Variants in IL1RAPL2 observed in about 807,000 individuals in gnomAD.
IL1RAPL2 encodes interleukin 1 receptor accessory protein like 2, also known as X-linked interleukin-1 receptor accessory protein-like 2.
A neutral mutation model predicts 44.1 loss-of-function variants in IL1RAPL2; 3 were observed. That is an observed-to-expected ratio of 0.07 (90% confidence interval 0.03 to 0.18). The LOEUF (loss-of-function observed/expected upper bound fraction) is 0.18, where lower values mean the gene tolerates loss of function less well. Ranked by LOEUF, IL1RAPL2 falls within the 10% of genes least tolerant of loss-of-function variation. The pLI is 1.00. For missense variants in IL1RAPL2, 391 were observed against 496.4 expected (o/e 0.79, Z 2.02); for synonymous variants, 181 against 178.8 (o/e 1.01, Z -0.10).
chrX:105,244,956 T>G (rs780121419), intron 4 of IL1RAPL2, among the ~76,000 whole-genome samples: 1 of 111,760 alleles, frequency 8.9e-6, no homozygotes, highest in South Asian at 3.7e-4. Context: ...GAACACATTT[T>G]GAAGTTGGCC....
intron 3 of IL1RAPL2, among the ~76,000 whole-genome samples, chrX:105,227,725 G>C (rs782700341): frequency 9.8e-5 from 11 of 111,973 alleles, no homozygotes; most frequent in African/African-American, 3.6e-4. Context: ...CATTAACATT[G>C]CAAGTTTGCA....
intron 2 of IL1RAPL2, among the ~76,000 whole-genome samples, chrX:105,009,643 A>C (rs1371955004): frequency 9.3e-6 from 1 of 107,597 alleles, no homozygotes; most frequent in East Asian, 3.0e-4. Context: ...AGATATACCT[A>C]ATGCTAAATG....
At chrX:104,579,782 C>T (rs1158196499) in intron 1 of IL1RAPL2, among the ~76,000 whole-genome samples, 2 of 111,593 alleles carry the variant, frequency 1.8e-5, no homozygotes, top group Non-Finnish European at 3.8e-5. Flanking sequence ...TAGGGCAAGA[C>T]CAAAGTGAGG....
intron 1 of IL1RAPL2, among the ~76,000 whole-genome samples, chrX:104,570,001 A>C (rs1020937804): frequency 8.9e-6 from 1 of 112,355 alleles, no homozygotes; most frequent in East Asian, 2.8e-4. Context: ...TTGGAAGACA[A>C]ATGTACACAC....
rs184267055 is a variant in IL1RAPL2, at chrX:105,000,744, G to A, written c.83-194731G>A. ...TAAAAATTAAAGGTTACATTAAAAT[G>A]GTGCCTGTTGCTGAAAACATTACAC... On this transcript the variant is annotated intron_variant, in intron 2 of 10. Coordinates refer to ENST00000372582, the MANE Select transcript of IL1RAPL2 (RefSeq NM_017416.2). Among the ~76,000 whole-genome samples the A allele has an allele frequency of 8.1e-5, 9 of 111,758 alleles. No individual in the cohort carries two copies. The East Asian group carries it at 2.6e-3, about 32-fold the overall frequency.
chrX:104,727,127 T>C (rs1337938719), intron 2 of IL1RAPL2, among the ~76,000 whole-genome samples: 1 of 110,235 alleles, frequency 9.1e-6, no homozygotes, highest in African/African-American at 3.3e-5. Context: ...AATTAAAACG[T>C]TTCTGCACAG....
At chrX:105,104,856 G>A (rs776288854) in intron 2 of IL1RAPL2, among the ~76,000 whole-genome samples, 1 of 111,876 alleles carries the variant, frequency 8.9e-6, no homozygotes, top group African/African-American at 3.2e-5. Flanking sequence ...ATTGCACAAG[G>A]AGATTTAATC....
At chrX:105,592,879 C>A (rs750496670) in intron 6 of IL1RAPL2, among the ~76,000 whole-genome samples, 1 of 111,771 alleles carries the variant, frequency 8.9e-6, no homozygotes, top group Non-Finnish European at 1.9e-5. Context: ...TTCATGTTGA[C>A]CTTGGAGAAT....
At chrX:105,076,066 A>C (rs1166542473) in intron 2 of IL1RAPL2, among the ~76,000 whole-genome samples, 1 of 110,570 alleles carries the variant, frequency 9.0e-6, no homozygotes, top group Non-Finnish European at 1.9e-5. Flanking sequence ...GATTTTAGTT[A>C]TTTCTTGCCT....
intron 5 of IL1RAPL2, among the ~76,000 whole-genome samples, chrX:105,462,182 C>T (rs1206233615): frequency 9.0e-6 from 1 of 111,027 alleles, no homozygotes; most frequent in Admixed American, 9.7e-5. Flanking sequence ...TATTAAGGAG[C>T]TGCATGAGGC....
intron 2 of IL1RAPL2, among the ~76,000 whole-genome samples, chrX:104,875,973 T>G (rs1048562436): frequency 9.0e-6 from 1 of 111,215 alleles, no homozygotes; most frequent in Non-Finnish European, 1.9e-5. Flanking sequence ...AACAGTTACT[T>G]ACAGTAACTT....
chrX:105,363,308 A>ATATAT (rs1491419366), intron 5 of IL1RAPL2, among the ~76,000 whole-genome samples: 16 of 68,550 alleles, frequency 2.3e-4, no homozygotes, highest in African/African-American at 1.7e-3. Context: ...ATATATATAT[A>ATATAT]ATATATATAT....
intron 6 of IL1RAPL2, among the ~76,000 whole-genome samples, chrX:105,591,852 G>A (rs2037174131): frequency 9.0e-6 from 1 of 111,470 alleles, no homozygotes; most frequent in Non-Finnish European, 1.9e-5. Flanking sequence ...GTTGATTTTA[G>A]AGTGTGTGCC....
At chrX:104,892,254 C>G (rs1219211872) in intron 2 of IL1RAPL2, among the ~76,000 whole-genome samples, 6 of 111,563 alleles carry the variant, frequency 5.4e-5, no homozygotes, top group Non-Finnish European at 1.1e-4. Flanking sequence ...GTCTAAAATT[C>G]TCTTTTTTTG....
At chrX:105,706,759 G>A (rs766989210) in intron 6 of IL1RAPL2, among the ~76,000 whole-genome samples, 1 of 111,624 alleles carries the variant, frequency 9.0e-6, no homozygotes, top group East Asian at 2.9e-4. Context: ...GAGCAATGAT[G>A]GGTCTTTACT....
At chrX:105,223,149 CAA>C (rs72008975) in intron 3 of IL1RAPL2, among the ~76,000 whole-genome samples, 1,210 of 67,234 alleles carry the variant, frequency 0.018, 15 homozygotes, top group African/African-American at 0.056. Flanking sequence ...GATTCAGTCT[CAA>C]AAAAAAAAAA....
intron 5 of IL1RAPL2, among the ~76,000 whole-genome samples, chrX:105,351,605 G>T (rs1030869741): frequency 2.7e-5 from 3 of 109,934 alleles, no homozygotes; most frequent in Non-Finnish European, 5.7e-5. Context: ...ACAGGGAGGG[G>T]AACATCACAC....
At chrX:105,326,830 G>A (rs930995812) in intron 5 of IL1RAPL2, among the ~76,000 whole-genome samples, 2 of 111,326 alleles carry the variant, frequency 1.8e-5, no homozygotes, top group Admixed American at 1.9e-4. Context: ...TCTTTACCAA[G>A]ATTGTTCTGG....
At chrX:105,320,634 G>A (rs868738861) in intron 5 of IL1RAPL2, among the ~76,000 whole-genome samples, 3 of 112,266 alleles carry the variant, frequency 2.7e-5, no homozygotes, top group Non-Finnish European at 3.8e-5. Context: ...GTGGGTATGT[G>A]TACATGTGAA....
Sources: allele counts gnomAD v4.1 joint callset (sites outside exome capture counted in the v4.1 genomes callset), GRCh38; gene constraint gnomAD v4.1.1; transcripts MANE v1.5; gene names NCBI Gene and HGNC (gene_info 2026-07-23, HGNC 2026-07-21).